HS3ST2: variants seen among roughly 807,000 people sequenced by gnomAD.
HS3ST2 encodes the protein heparan sulfate glucosamine 3-O-sulfotransferase 2.
In HS3ST2, 17 loss-of-function variants were observed where a neutral mutation model predicts 26.3. The observed-to-expected ratio is 0.65, with a 90% CI of 0.44 to 0.97. HS3ST2 has a LOEUF of 0.97. Among genes scored for constraint, HS3ST2 ranks in the 50% least tolerant of loss-of-function variants. The probability of loss-of-function intolerance (pLI) is 0.00; values close to 1 mark genes in which losing one functional copy is unlikely to be tolerated. For missense variants in HS3ST2, 402 were observed against 501.2 expected, an observed-to-expected ratio of 0.80 and a Z score of 1.89; for synonymous variants, 237 against 219.2, an observed-to-expected ratio of 1.08 and a Z score of -0.72.
intron 1 of HS3ST2, among the ~76,000 whole-genome samples, chr16:22,870,443 G>A (rs1901819559): frequency 6.6e-6 from 1 of 152,108 alleles, no homozygotes; most frequent in African/African-American, 2.4e-5. Flanking sequence ...GCAGCCCACA[G>A]GTCTGCTAAA....
chr16:22,913,541 A>G (rs1902452938), intron 1 of HS3ST2, among the ~76,000 whole-genome samples: 1 of 152,236 alleles, frequency 6.6e-6, no homozygotes, highest in Non-Finnish European at 1.5e-5. Context: ...TATCTAAAAC[A>G]GTTGCTATTC....
intron 1 of HS3ST2, among the ~76,000 whole-genome samples, chr16:22,899,335 C>G (rs913119665): frequency 6.6e-5 from 10 of 152,170 alleles, no homozygotes; most frequent in African/African-American, 2.2e-4. Flanking sequence ...TAGTGCTGGG[C>G]AGAATAGAAA....
intron 1 of HS3ST2, among the ~76,000 whole-genome samples, chr16:22,859,152 C>G (rs1163807666): frequency 6.6e-6 from 1 of 152,138 alleles, no homozygotes; most frequent in Non-Finnish European, 1.5e-5. Flanking sequence ...GGTGACAGGG[C>G]AAGATCCTGC....
chr16:22,865,443 C>G (rs1367528145), intron 1 of HS3ST2, among the ~76,000 whole-genome samples: 1 of 151,978 alleles, frequency 6.6e-6, no homozygotes, highest in Non-Finnish European at 1.5e-5. Context: ...GTAATCCCAG[C>G]TACTCAGGAG....
At chr16:22,860,245 C>A (rs1005508531) in intron 1 of HS3ST2, among the ~76,000 whole-genome samples, 3 of 152,060 alleles carry the variant, frequency 2.0e-5, no homozygotes, top group African/African-American at 7.2e-5. Context: ...AGCAAAGGGA[C>A]GTCTTACATG....
At chr16:22,886,516 G>A (rs1248339751) in intron 1 of HS3ST2, among the ~76,000 whole-genome samples, 1 of 152,160 alleles carries the variant, frequency 6.6e-6, no homozygotes, top group Non-Finnish European at 1.5e-5. Context: ...GGTAAACTAA[G>A]TGAAGACTTG....
At chr16:22,904,541 G>A (rs890627424) in intron 1 of HS3ST2, among the ~76,000 whole-genome samples, 2 of 152,168 alleles carry the variant, frequency 1.3e-5, no homozygotes, top group African/African-American at 4.8e-5. Flanking sequence ...GAAATAATAA[G>A]GGCACAGTCA....
intron 1 of HS3ST2, among the ~76,000 whole-genome samples, chr16:22,826,751 C>T (rs866607661): frequency 2.7e-4 from 41 of 152,256 alleles, no homozygotes; most frequent in South Asian, 8.3e-4. Flanking sequence ...CTAAGCTTGC[C>T]ACACCTGGTT....
chr16:22,824,514 T>C (rs1203695537), intron 1 of HS3ST2, among the ~76,000 whole-genome samples: 1 of 152,106 alleles, frequency 6.6e-6, no homozygotes, highest in Admixed American at 6.5e-5. Context: ...GCCACTGCAC[T>C]CCAGCCTGGG....
At chr16:22,889,636 G>A (rs1408974953) in intron 1 of HS3ST2, among the ~76,000 whole-genome samples, 1 of 152,162 alleles carries the variant, frequency 6.6e-6, no homozygotes, top group African/African-American at 2.4e-5. Context: ...TTTTGGATAA[G>A]GGATACTCAA....
intron 1 of HS3ST2, among the ~76,000 whole-genome samples, chr16:22,847,036 C>T (rs942229681): frequency 1.3e-5 from 2 of 152,078 alleles, no homozygotes; most frequent in Non-Finnish European, 2.9e-5. Flanking sequence ...TGTAGGTAAA[C>T]TCATGCCATG....
Position 22,814,770 on chromosome 16 carries a change from C to G in HS3ST2, c.160C>G (p.Arg54Gly). The G allele has an allele frequency of 6.2e-7, 1 of 1,603,406 alleles. No homozygotes were observed. The highest frequency in any genetic ancestry group is 8.5e-7 in the Non-Finnish European group (1 of 1,176,370). The change falls in exon 1 of 2, where the codon CGC becomes GGC. Residue 54 changes from arginine to glycine, a missense_variant. Physicochemically the swap from Arg to Gly is moderately radical, Grantham distance 125. Transcript: ENST00000261374. ...TCGGAGCCGCCTCCTCGGCGCGCCT[C>G]GCTGCCTCCGCGGCCCCAGCGCGGG... is the stretch of plus-strand genomic sequence containing the variant. ...LGRSRLLGAPRCLRGPSAGGQ... is the reference protein window; with the variant it reads ...LGRSRLLGAPGCLRGPSAGGQ...
chr16:22,815,213 GAC>G, intron 1 of HS3ST2, 118 bp downstream of exon 1: 3 of 1,310,454 alleles, frequency 2.3e-6, no homozygotes, highest in Admixed American at 2.7e-5. Context: ...GGTTCAGGCT[GAC>G]ACACAGGGCC....
chr16:22,846,275 TAA>T (rs35955821), intron 1 of HS3ST2, among the ~76,000 whole-genome samples: 12 of 145,890 alleles, frequency 8.2e-5, no homozygotes, highest in African/African-American at 1.0e-4. Flanking sequence ...AGACTCGATT[TAA>T]AAAAAAAAAA....
At chr16:22,894,343 C>A (rs1193692022) in intron 1 of HS3ST2, among the ~76,000 whole-genome samples, 2 of 152,158 alleles carry the variant, frequency 1.3e-5, no homozygotes, top group Admixed American at 6.5e-5. Flanking sequence ...CTCTGCTGCC[C>A]TAATAGGTGC....
At position 22,828,799 on chromosome 16, in the gene HS3ST2, G is replaced by A. The variant is rs150339094; in HGVS notation, c.485+13704G>A. ...AGTCATTGCAAAGCTCTGTGGTGGC[G>A]CAGTCCCTACTTTAGGCCCCCTTTC... is the stretch of plus-strand genomic sequence containing the variant. On this transcript the variant is annotated intron_variant, in intron 1 of 1. Coordinates refer to ENST00000261374, the MANE Select transcript of HS3ST2 (RefSeq NM_006043.2). 3.7e-3 allele frequency among the ~76,000 whole-genome samples: 560 copies of A among 152,264 alleles called. 3 individuals are homozygous for A. Among genetic ancestry groups the A allele is most frequent in the African/African-American group, 0.012 (488 of 41,552 alleles).
chr16:22,855,564 C>A (rs112291315), intron 1 of HS3ST2, among the ~76,000 whole-genome samples: 17 of 152,180 alleles, frequency 1.1e-4, no homozygotes, highest in Admixed American at 2.0e-4. Flanking sequence ...GGCTCTCCTG[C>A]CACCCTGCTC....
rs1017449504 is a variant in HS3ST2, at chr16:22,874,571, TC to T, written c.486-40371del. Among the ~76,000 whole-genome samples, 14 of 152,208 alleles carry T rather than the reference TC, an allele frequency of 9.2e-5. 1 individual carries two copies. The highest frequency in any genetic ancestry group is 3.9e-4 in the Admixed American group (6 of 15,286). On this transcript the variant is annotated intron_variant, in intron 1 of 1. Coordinates refer to ENST00000261374, the MANE Select transcript of HS3ST2 (RefSeq NM_006043.2). ...GAGCCCATATGGCTGTGAGTCTGTC[TC>T]CTGGGTGCCAAACTCTGCCAGGCCA... is the stretch of plus-strand genomic sequence containing the variant.
chr16:22,831,452 T>A (rs1178240257), intron 1 of HS3ST2, among the ~76,000 whole-genome samples: 3 of 152,202 alleles, frequency 2.0e-5, no homozygotes, highest in Non-Finnish European at 4.4e-5. Context: ...AGCGCAGACA[T>A]GAAGAACTGG....
Sources: allele counts gnomAD v4.1 joint callset (sites outside exome capture counted in the v4.1 genomes callset), GRCh38; gene constraint gnomAD v4.1.1; transcripts MANE v1.5; gene names NCBI Gene and HGNC (gene_info 2026-07-23, HGNC 2026-07-21).